C5orf34: variants seen among roughly 807,000 people sequenced by gnomAD.
C5orf34 encodes uncharacterized protein C5orf34.
C5orf34 carries 73 observed loss-of-function variants against 78.4 expected under a neutral mutation model. The observed-to-expected ratio is 0.93, with a 90% CI of 0.77 to 1.13. C5orf34 has a LOEUF of 1.13. C5orf34 is among the 50% of genes most tolerant of loss of function. The probability of loss-of-function intolerance (pLI) is 0.00; values close to 1 mark genes in which losing one functional copy is unlikely to be tolerated. For missense variants in C5orf34, 730 were observed against 732.7 expected, an observed-to-expected ratio of 1.00 and a Z score of 0.04; for synonymous variants, 251 against 246.6, an observed-to-expected ratio of 1.02 and a Z score of -0.17.
chr5:43,494,371 CAA>C (rs1399404752), intron 7 of C5orf34, 137 bp downstream of exon 7: 1 of 470,474 alleles, frequency 2.1e-6, no homozygotes, highest in African/African-American at 2.0e-5. Flanking sequence ...ATTATGACAC[CAA>C]AAAAGTTGAC....
chr5:43,499,805 ATTCTT>A (rs1745683731), intron 6 of C5orf34, among the ~76,000 whole-genome samples: 1 of 152,208 alleles, frequency 6.6e-6, no homozygotes, highest in Non-Finnish European at 1.5e-5. Flanking sequence ...CATCTACCTC[ATTCTT>A]TTCAACTACT....
intron 6 of C5orf34, among the ~76,000 whole-genome samples, chr5:43,496,683 A>G (rs144073578): frequency 1.3e-5 from 2 of 149,228 alleles, no homozygotes; most frequent in Non-Finnish European, 3.0e-5. Flanking sequence ...TCTGTGGCTC[A>G]AGGAGTCTTC....
intron 4 of C5orf34, 60 bp from the exon 5 acceptor site, chr5:43,503,820 G>A (rs1396558331): frequency 3.6e-6 from 4 of 1,122,520 alleles, no homozygotes; most frequent in Non-Finnish European, 2.7e-6. Flanking sequence ...GTCTTTAGAA[G>A]TCAACAAAAT....
At chr5:43,502,929 C>A (rs888885828) in intron 5 of C5orf34, among the ~76,000 whole-genome samples, 1 of 152,208 alleles carries the variant, frequency 6.6e-6, no homozygotes, top group African/African-American at 2.4e-5. Context: ...AGGGGCTATC[C>A]CTAAGAAAAG....
At chr5:43,493,036 G>T in intron 8 of C5orf34, 146 bp from the exon 9 acceptor site, 1 of 355,152 alleles carries the variant, frequency 2.8e-6, no homozygotes. Context: ...TTCCAGAAGT[G>T]GATACCCAAA....
rs764748622 is a variant in C5orf34 at position 43,506,323 on chromosome 5, C to G, written c.357G>C (p.Glu119Asp). Residue 119 changes from glutamate (E) to aspartate (D), a missense_variant, in exon 4 of 13, where the codon GAG becomes GAC. Coordinates refer to ENST00000306862, the MANE Select transcript of C5orf34 (RefSeq NM_198566.4). Reference sequence around the variant, plus strand: ...AAGATGTTATCTTCACAATGCCACTCTCCATATATATCATGGTACCATCTG... The same window carrying G: ...AAGATGTTATCTTCACAATGCCACTGTCCATATATATCATGGTACCATCTG... ...LDTDGTMIYM[E>D]SGIVKITSLD... 2.5e-6 allele frequency: 4 copies of G among 1,614,016 alleles called. No individual in the cohort carries two copies. The highest frequency in any genetic ancestry group is 3.4e-6 in the Non-Finnish European group (4 of 1,180,012).
chr5:43,501,747 T>C (rs1003771037), intron 6 of C5orf34, among the ~76,000 whole-genome samples: 2 of 152,206 alleles, frequency 1.3e-5, no homozygotes, highest in Admixed American at 1.3e-4. Context: ...CACTCTGTAA[T>C]GAAGAGAGAA....
chr5:43,508,463 T>C (rs1388805567), intron 3 of C5orf34, 114 bp downstream of exon 3: 2 of 628,738 alleles, frequency 3.2e-6, no homozygotes, highest in African/African-American at 3.7e-5. Context: ...TGATGTTTTA[T>C]AGCAATGTAT....
In C5orf34 at chr5:43,495,830, C is replaced by G. The variant is rs1745493296; in HGVS notation, c.1153-1229G>C. On this transcript the variant is annotated intron_variant, in intron 6 of 12. Coordinates refer to ENST00000306862, the MANE Select transcript of C5orf34 (RefSeq NM_198566.4). ...ACGGGTGGCTTTCCATCCCTTGAGC[C>G]AAGGCATGTTAGCACTCGGCTCCAG... is the stretch of plus-strand genomic sequence containing the variant. 7 of 1,584,896 alleles carry G rather than the reference C, an allele frequency of 4.4e-6. No homozygotes were observed. In the South Asian group the frequency reaches 5.5e-5, roughly 13 times the overall value.
In C5orf34 at chr5:43,486,936, A is replaced by T. The variant is rs1745093061; in HGVS notation, c.1896T>A (p.Leu632=). ...TTTTTCACTTTTTAGAGTTTGATAG[A>T]AGACAGTCAATATCGTGAAGGATTT... ...TSEILHDIDC[L]LSNSKK Residue 632 remains leucine (L), a synonymous_variant, in exon 13 of 13, where the codon CTT becomes CTA. Coordinates refer to ENST00000306862, the MANE Select transcript of C5orf34 (RefSeq NM_198566.4). The T allele has an allele frequency of 1.3e-6, 2 of 1,531,650 alleles. No individual in the cohort carries two copies. Among genetic ancestry groups the T allele is most frequent in the Non-Finnish European group, 1.7e-6 (2 of 1,144,300 alleles). 94.9% of individuals were successfully genotyped at this position (1,531,650 alleles called of 1,614,324 possible). A position where few individuals can be genotyped will look rare whatever the true frequency, so the allele number is the denominator to read the frequency against.
At chr5:43,496,278 G>A in intron 6 of C5orf34, 2 of 1,586,192 alleles carry the variant, frequency 1.3e-6, no homozygotes, top group Non-Finnish European at 1.7e-6. Context: ...GTTTATGCAA[G>A]ACCCAGGCAT....
intron 6 of C5orf34, among the ~76,000 whole-genome samples, chr5:43,501,665 T>C (rs1372040097): frequency 6.6e-6 from 1 of 152,218 alleles, no homozygotes; most frequent in Non-Finnish European, 1.5e-5. Flanking sequence ...GAAATTTCCA[T>C]AGTTAAAAAA....
At chr5:43,502,812 G>A (rs1745819919) in intron 5 of C5orf34, among the ~76,000 whole-genome samples, 1 of 152,198 alleles carries the variant, frequency 6.6e-6, no homozygotes, top group African/African-American at 2.4e-5. Flanking sequence ...GGTCACCAAA[G>A]CAATGTCTAT....
In C5orf34 at chr5:43,509,139, A is replaced by T; in HGVS notation, c.195+6T>A. ...AAAAAGTTGTTTACGTGATATCTTT[A>T]CTTACTCTGTAAGTGCTAATGACAA... On this transcript the variant is annotated splice_donor_region_variant and intron_variant, in intron 2 of 12. Transcript: ENST00000306862. 6.2e-7 allele frequency: 1 copy of T among 1,607,862 alleles called. No individual in the cohort carries two copies. The highest frequency in any genetic ancestry group is 8.5e-7 in the Non-Finnish European group (1 of 1,177,478).
intron 6 of C5orf34, chr5:43,495,249 T>C (rs1246315974): frequency 2.5e-6 from 4 of 1,607,388 alleles, no homozygotes; most frequent in African/African-American, 2.7e-5. Flanking sequence ...CCAGGAACCA[T>C]ATCAACAATG....
chr5:43,491,403 A>G (rs1198171955), intron 10 of C5orf34, among the ~76,000 whole-genome samples: 1 of 152,244 alleles, frequency 6.6e-6, no homozygotes, highest in Non-Finnish European at 1.5e-5. Context: ...AATATTCTCA[A>G]GTGAAATCAC....
At chr5:43,490,232 C>T (rs1745223571) in intron 11 of C5orf34, 1 of 169,280 alleles carries the variant, frequency 5.9e-6, no homozygotes, top group South Asian at 1.5e-4. Flanking sequence ...ACTAATATGA[C>T]AGAAATTATT....
chr5:43,509,414 CTTAATG>C, intron 1 of C5orf34, 39 bp from the exon 2 acceptor site: 1 of 1,204,328 alleles, frequency 8.3e-7, no homozygotes, highest in African/African-American at 1.5e-5. Flanking sequence ...AAATAGTTCT[CTTAATG>C]TACAAAACTT....
In C5orf34 at chr5:43,506,000, G is replaced by A. The variant is rs1192652245; in HGVS notation, c.680C>T (p.Pro227Leu). 1.9e-6 allele frequency: 3 copies of A among 1,613,984 alleles called. No homozygotes were observed. Among genetic ancestry groups the A allele is most frequent in the East Asian group, 4.5e-5 (2 of 44,902 alleles). Residue 227 changes from proline (P) to leucine (L), a missense_variant, in exon 4 of 13, where the codon CCT (proline) becomes CTT (leucine). Transcript: ENST00000306862. ...GTEGREELPS[P>L]GTKHTCVYTW... ...GTATACACATGTGTGCTTTGTACCA[G>A]GCGAAGGCAGCTCTTCCCTCCCTTC...
Sources: allele counts gnomAD v4.1 joint callset (sites outside exome capture counted in the v4.1 genomes callset), GRCh38; gene constraint gnomAD v4.1.1; transcripts MANE v1.5; gene names NCBI Gene and HGNC (gene_info 2026-07-23, HGNC 2026-07-21).